PRKN: variants seen among roughly 807,000 people sequenced by gnomAD.
The protein encoded by PRKN is parkin RBR E3 ubiquitin protein ligase, also known as E3 ubiquitin-protein ligase parkin.
Under a neutral mutation model 59.5 loss-of-function variants are expected in PRKN, and 56 were observed. That is an observed-to-expected ratio of 0.94 (90% CI 0.76 to 1.18). The LOEUF (loss-of-function observed/expected upper bound fraction) is 1.18, where lower values mean the gene tolerates loss of function less well. PRKN is among the 50% of genes most tolerant of loss of function. The pLI, the probability that PRKN is intolerant of heterozygous loss-of-function variation, is 0.00. For missense variants in PRKN, 657 were observed against 596.4 expected (o/e 1.10, Z -1.06); for synonymous variants, 250 against 222.1 (o/e 1.13, Z -1.12).
At chr6:162,168,595 T>C (rs768888977) in intron 4 of PRKN, among the ~76,000 whole-genome samples, 5 of 146,166 alleles carry the variant, frequency 3.4e-5, no homozygotes, top group African/African-American at 5.1e-5. Context: ...AAAGCAGCAT[T>C]TGGGGGACAA....
In PRKN at chr6:161,417,294, A is replaced by G. The variant is rs539100208; in HGVS notation, c.1084-30417T>C. ...GTGAAACCCTGTCTCTACTAAAAAT[A>G]CAAAAATTAGCCGGGTGTGGTGGCG... On this transcript the variant is annotated intron_variant, in intron 9 of 11. Coordinates refer to ENST00000366898, the MANE Select transcript of PRKN (RefSeq NM_004562.3). The surrounding 1 kb of genome is among the most constrained non-coding windows in gnomAD (Gnocchi z 5.4). Among the ~76,000 whole-genome samples, 1 of 152,270 alleles carries G rather than the reference A, an allele frequency of 6.6e-6. No individual in the cohort carries two copies. The highest frequency in any genetic ancestry group is 2.1e-4 in the South Asian group (1 of 4,824).
At chr6:161,780,841 G>C (rs910880487) in intron 7 of PRKN, among the ~76,000 whole-genome samples, 2 of 152,166 alleles carry the variant, frequency 1.3e-5, no homozygotes, top group African/African-American at 4.8e-5. Context: ...AAATATTAAA[G>C]AAAATCCAGT....
intron 9 of PRKN, among the ~76,000 whole-genome samples, chr6:161,432,991 C>T (rs962513959): frequency 2.0e-5 from 3 of 152,084 alleles, no homozygotes; most frequent in Admixed American, 6.5e-5. Flanking sequence ...AAAGGTAAAT[C>T]AGCGTGCCAA....
chr6:162,607,151 C>T (rs1781954492), intron 1 of PRKN, among the ~76,000 whole-genome samples: 1 of 152,138 alleles, frequency 6.6e-6, no homozygotes, highest in Non-Finnish European at 1.5e-5. Flanking sequence ...AAGTCACAGA[C>T]ACAAAGAGAT....
In PRKN at chr6:161,833,595, C is replaced by T. The variant is rs138737603; in HGVS notation, c.735-47687G>A. On this transcript the variant is annotated intron_variant, in intron 6 of 11. Coordinates refer to ENST00000366898, the MANE Select transcript of PRKN (RefSeq NM_004562.3). ...TACCTGAGCTCTCCCTCACAGCAGC[C>T]GTCTCCCACAGACTCCCCTCGGATG... is the stretch of plus-strand genomic sequence containing the variant. Among the ~76,000 whole-genome samples the T allele has an allele frequency of 5.5e-4, 84 of 152,198 alleles. 2 individuals are homozygous for T. Among genetic ancestry groups the T allele is most frequent in the African/African-American group, 2.0e-3 (82 of 41,532 alleles).
At chr6:162,300,531 ACTT>A (rs1219053051) in intron 2 of PRKN, among the ~76,000 whole-genome samples, 1 of 151,860 alleles carries the variant, frequency 6.6e-6, no homozygotes, top group East Asian at 1.9e-4. Context: ...AAATTATTTG[ACTT>A]CTTTAAACCT....
chr6:161,711,373 T>C (rs1183704062), intron 7 of PRKN, among the ~76,000 whole-genome samples: 1 of 152,148 alleles, frequency 6.6e-6, no homozygotes, highest in Non-Finnish European at 1.5e-5. Flanking sequence ...TTAATACATA[T>C]AGAAAGGTAC....
chr6:162,720,872 A>G (rs1778918155), intron 1 of PRKN, among the ~76,000 whole-genome samples: 1 of 152,216 alleles, frequency 6.6e-6, no homozygotes, highest in African/African-American at 2.4e-5. Context: ...TTCTCTCCAC[A>G]CAGAGAAGAA....
At chr6:161,571,348 T>G (rs1302207493) in intron 7 of PRKN, among the ~76,000 whole-genome samples, 1 of 152,228 alleles carries the variant, frequency 6.6e-6, no homozygotes, top group Admixed American at 6.5e-5. Flanking sequence ...GTAAGGAAAC[T>G]GGATTGTATG....
chr6:162,470,032 G>T (rs1359418390), intron 1 of PRKN, among the ~76,000 whole-genome samples: 1 of 152,150 alleles, frequency 6.6e-6, no homozygotes, highest in Non-Finnish European at 1.5e-5. Flanking sequence ...CATGAGGACA[G>T]ATTTTGATTC....
intron 7 of PRKN, among the ~76,000 whole-genome samples, chr6:161,782,766 C>A (rs1387681322): frequency 1.3e-5 from 2 of 151,916 alleles, no homozygotes; most frequent in Non-Finnish European, 2.9e-5. Context: ...TGGTGGCATG[C>A]ACCTGTAGTC....
chr6:162,213,302 A>T (rs1367191794), intron 3 of PRKN, among the ~76,000 whole-genome samples: 1 of 152,154 alleles, frequency 6.6e-6, no homozygotes, highest in Non-Finnish European at 1.5e-5. Context: ...GTGAGAAAAT[A>T]ATGAAACAAT....
chr6:161,749,191 G>C (rs1259900823), intron 7 of PRKN, among the ~76,000 whole-genome samples: 4 of 152,232 alleles, frequency 2.6e-5, no homozygotes, highest in African/African-American at 9.6e-5. Context: ...CTGGGACCTA[G>C]AGGGGCGCAG....
rs1487496782 is a variant in PRKN at position 162,010,763 on chromosome 6, ATATAT to A, written c.619-37351_619-37347del. On this transcript the variant is annotated intron_variant, in intron 5 of 11. Transcript: ENST00000366898. ...TATATTATATAATATACAATATATA[ATATAT>A]TATATAATATATTATATAATATATT... Among the ~76,000 whole-genome samples the A allele has an allele frequency of 4.3e-4, 2 of 4,696 alleles. 1 individual carries two copies. Among genetic ancestry groups the A allele is most frequent in the African/African-American group, 6.7e-3 (2 of 300 alleles). 3.1% of individuals were successfully genotyped at this position (4,696 alleles called of 152,430 possible). A position where few individuals can be genotyped will look rare whatever the true frequency, so the allele number is the denominator to read the frequency against.
At chr6:162,157,760 A>G (rs2849605) in intron 4 of PRKN, among the ~76,000 whole-genome samples, 142,454 of 151,984 alleles carry the variant, frequency 0.94, 67,358 homozygotes, top group Non-Finnish European at 1. Flanking sequence ...AAACCAACCC[A>G]AGACACATTC....
chr6:162,674,396 T>C (rs951014595), intron 1 of PRKN, among the ~76,000 whole-genome samples: 1 of 152,064 alleles, frequency 6.6e-6, no homozygotes, highest in Non-Finnish European at 1.5e-5. Context: ...TGTGGGGCAA[T>C]ATCACATTAA....
intron 7 of PRKN, among the ~76,000 whole-genome samples, chr6:161,771,430 A>G (rs915024519): frequency 6.6e-6 from 1 of 151,018 alleles, no homozygotes; most frequent in Admixed American, 6.6e-5. Context: ...CACAAGAAAG[A>G]GCTGTCACAG....
intron 5 of PRKN, among the ~76,000 whole-genome samples, chr6:161,974,746 C>T (rs77036739): frequency 0.091 from 13,815 of 152,118 alleles, 744 homozygotes; most frequent in African/African-American, 0.14. Context: ...ATTCCACTTG[C>T]GTTTAACTAC....
At chr6:162,313,060 G>C (rs555352175) in intron 2 of PRKN, among the ~76,000 whole-genome samples, 1 of 152,202 alleles carries the variant, frequency 6.6e-6, no homozygotes, top group Non-Finnish European at 1.5e-5. Context: ...GCAATCAAAT[G>C]AAAATGATTT....
Sources: allele counts gnomAD v4.1 joint callset (sites outside exome capture counted in the v4.1 genomes callset), GRCh38; gene constraint gnomAD v4.1.1; non-coding constraint Gnocchi (gnomAD v3.1); transcripts MANE v1.5; gene names NCBI Gene and HGNC (gene_info 2026-07-23, HGNC 2026-07-21).